The following NCAM2 variants were observed in gnomAD, a reference collection of about 807,000 sequenced individuals.
The protein encoded by NCAM2 is N-CAM-2.
A neutral mutation model predicts 98.1 loss-of-function variants in NCAM2; 30 were observed. The ratio of observed to expected loss-of-function variants is 0.31; its 90% confidence interval spans 0.23 to 0.41. The LOEUF (loss-of-function observed/expected upper bound fraction) is 0.41. Ranked by LOEUF, NCAM2 falls within the 10% of genes least tolerant of loss-of-function variation. The probability of loss-of-function intolerance (pLI) is 1.00; values close to 1 mark genes in which losing one functional copy is unlikely to be tolerated. For missense variants in NCAM2, 867 were observed against 1,005.8 expected (o/e 0.86, Z 1.87); for synonymous variants, 368 against 342.4 (o/e 1.07, Z -0.83).
chr21:21,275,447 T>TA (rs1186492522), intron 1 of NCAM2, among the ~76,000 whole-genome samples: 1 of 148,780 alleles, frequency 6.7e-6, no homozygotes, highest in Non-Finnish European at 1.5e-5. Flanking sequence ...CATAAAAAAA[T>TA]AAAAAATAAA....
At chr21:21,237,333 T>G (rs2147217090) in intron 1 of NCAM2, among the ~76,000 whole-genome samples, 1 of 152,280 alleles carries the variant, frequency 6.6e-6, no homozygotes, top group South Asian at 2.1e-4. Flanking sequence ...ACCTAGCTAC[T>G]TTCTATAATT....
chr21:21,168,393 G>A (rs889849698), intron 1 of NCAM2, among the ~76,000 whole-genome samples: 2 of 152,026 alleles, frequency 1.3e-5, no homozygotes, highest in Non-Finnish European at 2.9e-5. Context: ...GTAAGCTCAG[G>A]ATACCCCTTC....
intron 1 of NCAM2, among the ~76,000 whole-genome samples, chr21:21,151,830 A>G (rs2067457701): frequency 6.6e-6 from 1 of 151,812 alleles, no homozygotes; most frequent in South Asian, 2.1e-4. Flanking sequence ...ATGCACTGTC[A>G]CCATTGTTCT....
At chr21:21,309,701 C>T (rs1012434008) in intron 5 of NCAM2, among the ~76,000 whole-genome samples, 54 of 152,110 alleles carry the variant, frequency 3.6e-4, no homozygotes, top group African/African-American at 1.2e-3. Flanking sequence ...GAACTATAGC[C>T]AATATCCACT....
At chr21:21,063,706 T>C (rs2065371848) in intron 1 of NCAM2, among the ~76,000 whole-genome samples, 1 of 152,186 alleles carries the variant, frequency 6.6e-6, no homozygotes, top group African/African-American at 2.4e-5. Context: ...ATTCAATAAC[T>C]TGAATATTTA....
intron 8 of NCAM2, among the ~76,000 whole-genome samples, chr21:21,372,361 T>C (rs1443725379): frequency 6.6e-6 from 1 of 151,746 alleles, no homozygotes; most frequent in Non-Finnish European, 1.5e-5. Flanking sequence ...GAGTGCGTTT[T>C]TGTAAAGGAT....
intron 8 of NCAM2, among the ~76,000 whole-genome samples, chr21:21,370,300 T>G (rs112882506): frequency 9.9e-5 from 15 of 152,004 alleles, no homozygotes; most frequent in Admixed American, 2.0e-4. Context: ...CTTACCCATT[T>G]TTCTTTTTTT....
intron 12 of NCAM2, among the ~76,000 whole-genome samples, chr21:21,441,888 G>C (rs1483777989): frequency 6.6e-6 from 1 of 152,116 alleles, no homozygotes; most frequent in African/African-American, 2.4e-5. Context: ...AGAAAGATAC[G>C]AGGCTAGGCA....
intron 1 of NCAM2, among the ~76,000 whole-genome samples, chr21:21,140,026 A>G (rs2826694): frequency 0.28 from 42,580 of 152,054 alleles, 6,259 homozygotes; most frequent in Admixed American, 0.34. Context: ...TAGGACATCA[A>G]ATTGTCATGG....
rs2073359099 is a variant in NCAM2, at chr21:21,293,256, A to G, written c.619+1015A>G. ...CTCTCAAACATACTCTATTTTCTCT[A>G]TCATGTTGTTTTCCATGAGAGTGGT... On this transcript the variant is annotated intron_variant, in intron 5 of 17. Coordinates refer to ENST00000400546, the MANE Select transcript of NCAM2 (RefSeq NM_004540.5). Among the ~76,000 whole-genome samples, 3 of 151,508 alleles carry G rather than the reference A, an allele frequency of 2.0e-5. 1 individual carries two copies. The South Asian group carries it at 6.3e-4, about 32-fold the overall frequency.
intron 1 of NCAM2, among the ~76,000 whole-genome samples, chr21:21,196,370 G>C (rs1601617967): frequency 6.6e-6 from 1 of 152,202 alleles, no homozygotes; most frequent in Admixed American, 6.5e-5. Context: ...CGGTTCCACA[G>C]CTTCCTATGA....
At chr21:21,282,869 A>G (rs907101607) in intron 2 of NCAM2, among the ~76,000 whole-genome samples, 31 of 151,842 alleles carry the variant, frequency 2.0e-4, no homozygotes, top group African/African-American at 7.5e-4. Context: ...CTTTATGAAA[A>G]TCTGCAATAA....
chr21:21,461,676 A>C (rs904764997), intron 12 of NCAM2, among the ~76,000 whole-genome samples: 4 of 151,972 alleles, frequency 2.6e-5, no homozygotes, highest in African/African-American at 9.6e-5. Context: ...TACAGGTAAA[A>C]GTATGATTCA....
At position 21,292,252 on chromosome 21, in the gene NCAM2, AATAATTTGT is replaced by A; in HGVS notation, c.619+13_619+21del. The A allele has an allele frequency of 6.3e-7, 1 of 1,598,626 alleles. No individual in the cohort carries two copies. Among genetic ancestry groups the A allele is most frequent in the Non-Finnish European group, 8.5e-7 (1 of 1,173,406 alleles). On this transcript the variant is annotated intron_variant, in intron 5 of 17. Coordinates refer to ENST00000400546, the MANE Select transcript of NCAM2 (RefSeq NM_004540.5). ...TTGTTATTGTTAATGGTAAGCAGTA[AATAATTTGT>A]ACATGTTTTATGGATTCATTTTAGC...
chr21:21,101,174 A>T (rs1308401383), intron 1 of NCAM2, among the ~76,000 whole-genome samples: 1 of 151,996 alleles, frequency 6.6e-6, no homozygotes, highest in Non-Finnish European at 1.5e-5. Flanking sequence ...CCTTAGATTT[A>T]TGCAAATAAA....
chr21:21,143,179 C>T (rs377022079), intron 1 of NCAM2, among the ~76,000 whole-genome samples: 1 of 152,190 alleles, frequency 6.6e-6, no homozygotes, highest in Non-Finnish European at 1.5e-5. Context: ...TAGCCAACCC[C>T]TGCTTAGCAG....
chr21:21,013,082 C>A (rs1387474330), intron 1 of NCAM2, among the ~76,000 whole-genome samples: 1 of 152,136 alleles, frequency 6.6e-6, no homozygotes, highest in Non-Finnish European at 1.5e-5. Flanking sequence ...CTACAATGGC[C>A]CCTAAATATT....
At chr21:21,232,250 T>C (rs2070659233) in intron 1 of NCAM2, among the ~76,000 whole-genome samples, 1 of 151,548 alleles carries the variant, frequency 6.6e-6, no homozygotes, top group African/African-American at 2.4e-5. Flanking sequence ...ACTCAAATTA[T>C]ATGAAGAAAA....
intron 1 of NCAM2, among the ~76,000 whole-genome samples, chr21:21,118,619 C>G (rs1239591664): frequency 6.6e-6 from 1 of 152,052 alleles, no homozygotes; most frequent in Non-Finnish European, 1.5e-5. Flanking sequence ...CTTTGTTTTT[C>G]TTTCTCTTTC....
Sources: allele counts gnomAD v4.1 joint callset (sites outside exome capture counted in the v4.1 genomes callset), GRCh38; gene constraint gnomAD v4.1.1; transcripts MANE v1.5; gene names NCBI Gene and HGNC (gene_info 2026-07-23, HGNC 2026-07-21).